Variants in PRKAA2 observed in about 807,000 individuals in gnomAD.
PRKAA2 encodes the protein 5'-AMP-activated protein kinase catalytic subunit alpha-2.
In PRKAA2, 40 loss-of-function variants were observed where a neutral mutation model predicts 56.3. That is an observed-to-expected ratio of 0.71 (90% CI 0.55 to 0.92). PRKAA2 has a LOEUF of 0.92. Ranked by LOEUF, PRKAA2 falls within the 40% of genes least tolerant of loss-of-function variation. The pLI is 0.00. For missense variants in PRKAA2, 542 were observed against 686.9 expected (o/e 0.79, Z 2.36); for synonymous variants, 214 against 234.2 (o/e 0.91, Z 0.79).
Position 56,645,713 on chromosome 1 carries a change from G to A in PRKAA2, c.94+232G>A, listed in dbSNP as rs565752483. ...GGGCGGGGGTGTGAGCTGAGGATGG[G>A]CGTCCTGGGTTCCAGGTTCCGCGCC... On this transcript the variant is annotated intron_variant, in intron 1 of 8. Transcript: ENST00000371244. 1.1e-4 allele frequency among the ~76,000 whole-genome samples: 16 copies of A among 152,186 alleles called. No homozygotes were observed. In the South Asian group the frequency reaches 3.1e-3, roughly 30 times the overall value.
chr1:56,683,253 A>C (rs1644168381), intron 2 of PRKAA2, among the ~76,000 whole-genome samples: 1 of 152,098 alleles, frequency 6.6e-6, no homozygotes, highest in Non-Finnish European at 1.5e-5. Context: ...AGAATCCATT[A>C]GACATGTAAA....
At chr1:56,676,779 G>T (rs1443262893) in intron 2 of PRKAA2, among the ~76,000 whole-genome samples, 1 of 152,178 alleles carries the variant, frequency 6.6e-6, no homozygotes, top group Admixed American at 6.5e-5. Context: ...CCCATGTGGT[G>T]CATCTTACCG....
intron 2 of PRKAA2, among the ~76,000 whole-genome samples, chr1:56,683,111 A>C (rs1224242440): frequency 9.2e-6 from 1 of 109,132 alleles, no homozygotes; most frequent in Non-Finnish European, 1.8e-5. Context: ...TTGCTTAAGC[A>C]ACTGGGATTT....
intron 2 of PRKAA2, among the ~76,000 whole-genome samples, chr1:56,684,590 C>T (rs1346841457): frequency 6.6e-6 from 1 of 151,998 alleles, no homozygotes; most frequent in Non-Finnish European, 1.5e-5. Flanking sequence ...TATCTTGAAG[C>T]CAAGAGAAGA....
chr1:56,701,163 A>G (rs1319116647), intron 6 of PRKAA2, among the ~76,000 whole-genome samples: 1 of 152,102 alleles, frequency 6.6e-6, no homozygotes, highest in African/African-American at 2.4e-5. Flanking sequence ...TTATTTTGAA[A>G]GTGCTTAACT....
At chr1:56,707,342 G>A (rs1644338463) in intron 8 of PRKAA2, 133 bp from the exon 9 acceptor site, 1 of 716,304 alleles carries the variant, frequency 1.4e-6, no homozygotes, top group Admixed American at 2.5e-5. Flanking sequence ...CTACAACACA[G>A]AAACATGACA....
At chr1:56,653,712 C>T (rs939826299) in intron 1 of PRKAA2, among the ~76,000 whole-genome samples, 1 of 152,044 alleles carries the variant, frequency 6.6e-6, no homozygotes, top group Non-Finnish European at 1.5e-5. Context: ...GGTTCTGAGA[C>T]CAGAAATTTA....
intron 1 of PRKAA2, among the ~76,000 whole-genome samples, chr1:56,666,683 C>G (rs534591684): frequency 3.9e-5 from 6 of 152,146 alleles, no homozygotes; most frequent in African/African-American, 1.4e-4. Flanking sequence ...CCAAATAGTT[C>G]TAAATGACTG....
intron 6 of PRKAA2, among the ~76,000 whole-genome samples, chr1:56,697,420 G>A (rs1644266123): frequency 6.6e-6 from 1 of 152,108 alleles, no homozygotes; most frequent in South Asian, 2.1e-4. Flanking sequence ...ATACAGGCAA[G>A]GACTGATGAT....
intron 1 of PRKAA2, among the ~76,000 whole-genome samples, chr1:56,673,116 A>G (rs1412642883): frequency 6.6e-6 from 1 of 152,182 alleles, no homozygotes; most frequent in Non-Finnish European, 1.5e-5. Flanking sequence ...GTTCACCTGT[A>G]ATCCCTGCAC....
At chr1:56,648,336 A>C (rs1280785572) in intron 1 of PRKAA2, among the ~76,000 whole-genome samples, 2 of 152,136 alleles carry the variant, frequency 1.3e-5, no homozygotes, top group Non-Finnish European at 2.9e-5. Flanking sequence ...TTTTGTGTCG[A>C]GCTTCTTTAA....
intron 2 of PRKAA2, among the ~76,000 whole-genome samples, 182 bp downstream of exon 2, chr1:56,674,704 AACAG>A (rs1220951969): frequency 6.6e-6 from 1 of 151,840 alleles, no homozygotes; most frequent in African/African-American, 2.4e-5. Context: ...GGTTAGACTG[AACAG>A]ACATTGTTTC....
In PRKAA2 at chr1:56,713,973, C is replaced by G. The variant is rs1232287993; in HGVS notation, c.*6260C>G. 1 of 151,354 alleles carries G rather than the reference C, an allele frequency of 6.6e-6. No homozygotes were observed. Among genetic ancestry groups the G allele is most frequent in the East Asian group, 1.9e-4 (1 of 5,152 alleles). 9.4% of individuals were successfully genotyped at this position (151,354 alleles called of 1,614,324 possible). The stretch of plus-strand genomic sequence containing the variant: ...TAATCCCTCTCAGTTCTCCTTAGAT[C>G]TGCCTCCTACAAATGATCATGTTGT... On this transcript the variant is annotated 3_prime_UTR_variant, in exon 9 of 9. Transcript: ENST00000371244.
intron 2 of PRKAA2, among the ~76,000 whole-genome samples, chr1:56,684,806 A>C (rs2796514): frequency 0.45 from 67,885 of 151,938 alleles, 15,719 homozygotes; most frequent in East Asian, 0.59. Flanking sequence ...TAGTAACTAT[A>C]GGCAGGAGAG....
chr1:56,684,959 G>T lies in PRKAA2; in HGVS notation c.237-6435G>T, dbSNP rs553085127. 1.1e-4 allele frequency among the ~76,000 whole-genome samples: 16 copies of T among 152,230 alleles called. No homozygotes were observed. In the South Asian group the frequency reaches 3.3e-3, roughly 32 times the overall value. On this transcript the variant is annotated intron_variant, in intron 2 of 8. Coordinates refer to ENST00000371244, the MANE Select transcript of PRKAA2 (RefSeq NM_006252.4). ...AGGAATTGATACAAAAGAAAGAGGG[G>T]CTAATTATAGAAGCCAAGTCCCTTC...
chr1:56,715,044 C>T lies in PRKAA2; in HGVS notation c.*7331C>T, dbSNP rs1303035727. ...GTTTCAAGAAAAAAAAATGAACAGA[C>T]TTCCAGTGCTTTTCTGTTCAAATAA... is the stretch of plus-strand genomic sequence containing the variant. On this transcript the variant is annotated 3_prime_UTR_variant, in exon 9 of 9. Transcript: ENST00000371244. 6.6e-6 allele frequency: 1 copy of T among 151,842 alleles called. No individual in the cohort carries two copies. The highest frequency in any genetic ancestry group is 1.5e-5 in the Non-Finnish European group (1 of 67,972). 9.4% of individuals were successfully genotyped at this position (151,842 alleles called of 1,614,324 possible). A position where few individuals can be genotyped will look rare whatever the true frequency, so the allele number is the denominator to read the frequency against.
At chr1:56,699,125 A>G (rs1348770132) in intron 6 of PRKAA2, among the ~76,000 whole-genome samples, 2 of 152,202 alleles carry the variant, frequency 1.3e-5, no homozygotes, top group Non-Finnish European at 2.9e-5. Context: ...AAAATGATTG[A>G]ATATCAGAAA....
chr1:56,691,919 G>A (rs1644230845), intron 3 of PRKAA2, among the ~76,000 whole-genome samples: 2 of 151,622 alleles, frequency 1.3e-5, no homozygotes, highest in South Asian at 4.2e-4. Context: ...ACAAGCTTTT[G>A]GTTGGTTTAT....
At chr1:56,703,628 T>C (rs1001492451) in intron 6 of PRKAA2, among the ~76,000 whole-genome samples, 2 of 152,234 alleles carry the variant, frequency 1.3e-5, no homozygotes, top group African/African-American at 2.4e-5. Flanking sequence ...CTTTAAGTAT[T>C]GAGAAGCTGT....
Sources: allele counts gnomAD v4.1 joint callset (sites outside exome capture counted in the v4.1 genomes callset), GRCh38; gene constraint gnomAD v4.1.1; transcripts MANE v1.5; gene names NCBI Gene and HGNC (gene_info 2026-07-23, HGNC 2026-07-21).